The following TTC23L variants were observed in gnomAD, a reference collection of about 807,000 sequenced individuals.
TTC23L encodes tetratricopeptide repeat domain 23 like.
A neutral mutation model predicts 48.1 loss-of-function variants in TTC23L; 42 were observed. The ratio of observed to expected loss-of-function variants is 0.87; its 90% CI spans 0.68 to 1.13. The LOEUF (loss-of-function observed/expected upper bound fraction) is 1.13. Among genes scored for constraint, TTC23L ranks in the 50% most tolerant of loss-of-function variants. The pLI is 0.00. For missense variants in TTC23L, 391 were observed against 421.0 expected (o/e 0.93, Z 0.62); for synonymous variants, 159 against 157.2 (o/e 1.01, Z -0.09).
At chr5:34,878,658 C>T (rs1762017531) in intron 8 of TTC23L, among the ~76,000 whole-genome samples, 1 of 152,162 alleles carries the variant, frequency 6.6e-6, no homozygotes, top group Admixed American at 6.6e-5. Context: ...ACTGTAGTCA[C>T]AGTGGCTATT....
In TTC23L at chr5:34,880,454, A is replaced by T. The variant is rs186297805; in HGVS notation, c.1077+146A>T. ...CCACATTGTTTCATTCTTTGCTAGC[A>T]TTAACCGAATTATTTTTTTTTCAGA... On this transcript the variant is annotated intron_variant, in intron 9 of 10. Coordinates refer to ENST00000505624, the Ensembl canonical transcript of TTC23L. 4.6e-4 allele frequency: 398 copies of T among 872,684 alleles called. No individual in the cohort carries two copies. The African/African-American group carries it at 6.4e-3, about 14-fold the overall frequency. The allele number at this position is 872,684 out of a possible 1,614,324, so 54.1% of individuals were successfully genotyped here.
intron 7 of TTC23L, chr5:34,868,655 C>A: frequency 2.9e-6 from 1 of 339,002 alleles, no homozygotes. Context: ...TTATACTAGC[C>A]AACATTTATT....
At chr5:34,920,893 C>G in the TTC23L span, 2 of 151,670 alleles carry the variant, frequency 1.3e-5, no homozygotes, top group South Asian at 4.2e-4. Context: ...AGACAAAAGT[C>G]TCTCTCTGTT....
At position 34,880,126 on chromosome 5, in the gene TTC23L, T is replaced by G. The variant is rs565655200; in HGVS notation, c.950-55T>G. On this transcript the variant is annotated intron_variant, in intron 8 of 10. Transcript: ENST00000505624. The stretch of plus-strand genomic sequence containing the variant: ...ATGTCAATTGAGCCAAAGCTGATAT[T>G]AGACATTTGTAAAGGTTAGCAGCTT... 5.2e-5 allele frequency: 82 copies of G among 1,563,744 alleles called. No individual in the cohort carries two copies. The African/African-American group carries it at 1.0e-3, about 20-fold the overall frequency.
chr5:34,892,270 G>A (rs1031829703), intron 9 of TTC23L, among the ~76,000 whole-genome samples: 1 of 152,148 alleles, frequency 6.6e-6, no homozygotes, highest in African/African-American at 2.4e-5. Context: ...CTAGGAGCCC[G>A]AATTCTTGGC....
chr5:34,889,653 G>T (rs1762734367), intron 9 of TTC23L, among the ~76,000 whole-genome samples: 1 of 152,144 alleles, frequency 6.6e-6, no homozygotes, highest in South Asian at 2.1e-4. Flanking sequence ...ATCAGCCACA[G>T]GACAAAATGG....
chr5:34,917,387 A>G, the TTC23L span, among the ~76,000 whole-genome samples: 1 of 152,064 alleles, frequency 6.6e-6, no homozygotes, highest in South Asian at 2.1e-4. Flanking sequence ...TAATCCCAGC[A>G]CTTTGGGAGG....
At chr5:34,844,210 C>T (rs898564498) in intron 2 of TTC23L, among the ~76,000 whole-genome samples, 2 of 152,160 alleles carry the variant, frequency 1.3e-5, no homozygotes, top group Non-Finnish European at 1.5e-5. Context: ...ATTAGCTTGT[C>T]TACTGAAAGC....
At chr5:34,903,961 GTTATTT>G (rs1272069622), downstream of TTC23L, among the ~76,000 whole-genome samples, 1 of 151,802 alleles carries the variant, frequency 6.6e-6, no homozygotes, top group African/African-American at 2.4e-5. Context: ...AATAAATATT[GTTATTT>G]TTATTTTATT....
chr5:34,886,381 A>T (rs1348651930), intron 9 of TTC23L, among the ~76,000 whole-genome samples: 2 of 151,438 alleles, frequency 1.3e-5, no homozygotes, highest in Non-Finnish European at 2.9e-5. Context: ...AAAAAAAAAA[A>T]AACGTTTTAT....
chr5:34,914,243 A>T, the TTC23L span, among the ~76,000 whole-genome samples: 1 of 152,360 alleles, frequency 6.6e-6, no homozygotes, highest in South Asian at 2.1e-4. Flanking sequence ...ATATTCTGGA[A>T]ACAAATATTC....
chr5:34,882,618 TACACAC>T (rs146120966), intron 9 of TTC23L, among the ~76,000 whole-genome samples: 43,758 of 140,856 alleles, frequency 0.31, 7,896 homozygotes, highest in Non-Finnish European at 0.42. Context: ...TCCCATGGAC[TACACAC>T]ACACACACAC....
chr5:34,892,914 T>C (rs1762963192), intron 9 of TTC23L, among the ~76,000 whole-genome samples: 1 of 152,182 alleles, frequency 6.6e-6, no homozygotes, highest in South Asian at 2.1e-4. Context: ...TTGGGATTTA[T>C]TTAGTAGACA....
At chr5:34,911,743 CCTT>C in the TTC23L span, 1 of 1,614,162 alleles carries the variant, frequency 6.2e-7, no homozygotes, top group Non-Finnish European at 8.5e-7. Context: ...CACCACTCCT[CCTT>C]CTTCCAGGAA....
chr5:34,891,376 C>A (rs537651619), intron 9 of TTC23L, among the ~76,000 whole-genome samples: 179 of 152,288 alleles, frequency 1.2e-3, no homozygotes, highest in African/African-American at 4.0e-3. Context: ...TCATAGTAAA[C>A]CACAGAGAGT....
At chr5:34,894,473 G>GTAGT (rs1763078622) in intron 9 of TTC23L, among the ~76,000 whole-genome samples, 1 of 152,182 alleles carries the variant, frequency 6.6e-6, no homozygotes, top group African/African-American at 2.4e-5. Context: ...ATGTAAATAT[G>GTAGT]TAGTTAGTGC....
the TTC23L span, chr5:34,918,604 T>C: frequency 2.0e-6 from 1 of 496,336 alleles, no homozygotes; most frequent in Non-Finnish European, 3.5e-6. Context: ...TTTTATCCTT[T>C]CAAGTGCCAC....
chr5:34,859,840 C>CTTCTTTTTTTTTTTTTTTTTTTTT (rs1760445030), intron 4 of TTC23L, among the ~76,000 whole-genome samples: 1 of 95,362 alleles, frequency 1.0e-5, no homozygotes, highest in African/African-American at 3.5e-5. Context: ...TTTTCTTCTT[C>CTTCTTTTTTTTTTTTTTTTTTTTT]TTTTTTTTTT....
intron 8 of TTC23L, among the ~76,000 whole-genome samples, chr5:34,871,556 C>A (rs539507102): frequency 6.6e-6 from 1 of 152,192 alleles, no homozygotes; most frequent in Non-Finnish European, 1.5e-5. Context: ...AGCTGACTAA[C>A]ATTTGTGTGA....
Sources: gnomAD v4.1 joint callset for allele counts (sites outside exome capture counted in the v4.1 genomes callset) on GRCh38, gnomAD v4.1.1 for gene constraint, MANE v1.5 for transcripts, NCBI Gene and HGNC (gene_info 2026-07-23, HGNC 2026-07-21) for gene names.